The following FOCAD variants were observed in gnomAD, a reference collection of about 807,000 sequenced individuals.
FOCAD encodes KIAA1797.
FOCAD carries 198 observed loss-of-function variants against 225.6 expected under a neutral mutation model. That is an observed-to-expected ratio of 0.88 (90% CI 0.78 to 0.99). FOCAD has a LOEUF of 0.99. Ranked by LOEUF, FOCAD falls within the 50% of genes least tolerant of loss-of-function variation. The pLI, the probability that FOCAD is intolerant of heterozygous loss-of-function variation, is 0.00. For missense variants in FOCAD, 2,713 were observed against 2,123.6 expected (o/e 1.28, Z -5.46); for synonymous variants, 897 against 755.0 (o/e 1.19, Z -3.08).
intron 11 of FOCAD, among the ~76,000 whole-genome samples, chr9:20,804,142 C>T (rs955181581): frequency 2.0e-5 from 3 of 151,984 alleles, no homozygotes; most frequent in Non-Finnish European, 2.9e-5. Context: ...TTGTGTGTTC[C>T]TGAGGTTTAC....
At chr9:20,937,094 G>A (rs950000954) in intron 28 of FOCAD, among the ~76,000 whole-genome samples, 4 of 151,006 alleles carry the variant, frequency 2.6e-5, no homozygotes, top group Non-Finnish European at 5.9e-5. Flanking sequence ...CAAACAAATG[G>A]AAGAACATTC....
chr9:20,902,922 T>G (rs753676952), intron 21 of FOCAD, among the ~76,000 whole-genome samples: 1 of 151,944 alleles, frequency 6.6e-6, no homozygotes, highest in Non-Finnish European at 1.5e-5. Flanking sequence ...AGGTGAAAGT[T>G]TGAGAAGTAC....
chr9:20,985,505 C>T (rs1183956775), intron 39 of FOCAD, among the ~76,000 whole-genome samples: 3 of 152,156 alleles, frequency 2.0e-5, no homozygotes, highest in African/African-American at 7.2e-5. Flanking sequence ...CCTTCAGTTT[C>T]AAGAAAATAA....
intron 11 of FOCAD, among the ~76,000 whole-genome samples, chr9:20,811,703 C>A (rs1367949033): frequency 6.6e-6 from 1 of 151,930 alleles, no homozygotes; most frequent in African/African-American, 2.4e-5. Flanking sequence ...ACCTTTTTAG[C>A]ACTTCTGTCA....
At chr9:20,827,062 A>T (rs1736854757) in intron 15 of FOCAD, among the ~76,000 whole-genome samples, 1 of 152,138 alleles carries the variant, frequency 6.6e-6, no homozygotes, top group African/African-American at 2.4e-5. Flanking sequence ...CACAAAGCAT[A>T]CAATTCATTC....
chr9:20,839,872 G>C (rs1235354928), intron 15 of FOCAD, among the ~76,000 whole-genome samples: 1 of 151,932 alleles, frequency 6.6e-6, no homozygotes, highest in Non-Finnish European at 1.5e-5. Context: ...TCATTTTTCT[G>C]CATATGATTA....
chr9:20,982,329 T>C (rs10964782), intron 38 of FOCAD, 28 bp from the exon 39 acceptor site: 3 of 1,492,112 alleles, frequency 2.0e-6, no homozygotes, highest in Middle Eastern at 1.7e-4. Flanking sequence ...CACTGTTTGT[T>C]GACATGTTTG....
chr9:20,812,597 T>A (rs1823209809), intron 11 of FOCAD, among the ~76,000 whole-genome samples: 1 of 152,084 alleles, frequency 6.6e-6, no homozygotes. Context: ...TGTTTTTTTC[T>A]TTATGTTTTG....
chr9:20,979,569 C>G (rs1439909541), intron 37 of FOCAD, among the ~76,000 whole-genome samples: 1 of 152,136 alleles, frequency 6.6e-6, no homozygotes. Flanking sequence ...GAACTCCTGA[C>G]CTCAAGTGAT....
At chr9:20,715,042 G>C (rs527298671) in intron 1 of FOCAD, among the ~76,000 whole-genome samples, 1 of 152,092 alleles carries the variant, frequency 6.6e-6, no homozygotes, top group Non-Finnish European at 1.5e-5. Context: ...ACTTTTGGAT[G>C]TTTTTTTCAT....
intron 11 of FOCAD, among the ~76,000 whole-genome samples, chr9:20,799,871 T>G (rs1292695395): frequency 6.6e-6 from 1 of 152,134 alleles, no homozygotes; most frequent in Non-Finnish European, 1.5e-5. Flanking sequence ...TTGTTATGTG[T>G]GAATTTGATC....
At chr9:20,927,929 T>C (rs1305008895) in intron 26 of FOCAD, 4 of 139,652 alleles carry the variant, frequency 2.9e-5, no homozygotes, top group Non-Finnish European at 6.3e-5. Context: ...TAGAGCTAGA[T>C]TTTTAACCAT....
intron 15 of FOCAD, among the ~76,000 whole-genome samples, chr9:20,835,086 A>G (rs1825867613): frequency 7.1e-6 from 1 of 140,284 alleles, no homozygotes; most frequent in South Asian, 2.4e-4. Context: ...TGGTAATTAT[A>G]CCTTTATACC....
intron 7 of FOCAD, among the ~76,000 whole-genome samples, chr9:20,766,758 T>C (rs1481336338): frequency 2.6e-5 from 4 of 152,134 alleles, no homozygotes; most frequent in Non-Finnish European, 4.4e-5. Context: ...TTTTCTAGTT[T>C]ATTGTTGCTC....
chr9:20,882,967 G>T (rs1174474082), intron 20 of FOCAD, among the ~76,000 whole-genome samples: 1 of 152,108 alleles, frequency 6.6e-6, no homozygotes, highest in Non-Finnish European at 1.5e-5. Context: ...ACCAGAGCTG[G>T]ACTCAAATTA....
At chr9:20,844,095 C>T (rs1826823829) in intron 15 of FOCAD, among the ~76,000 whole-genome samples, 1 of 151,978 alleles carries the variant, frequency 6.6e-6, no homozygotes, top group African/African-American at 2.4e-5. Flanking sequence ...TAGGAATGTA[C>T]CCAAGAAAAG....
intron 21 of FOCAD, among the ~76,000 whole-genome samples, chr9:20,897,203 A>T (rs1420859206): frequency 2.0e-5 from 3 of 151,802 alleles, no homozygotes; most frequent in Non-Finnish European, 4.4e-5. Flanking sequence ...TGAAATTAAT[A>T]TAGGTCTTCC....
At chr9:20,737,366 G>C (rs1827232515) in intron 4 of FOCAD, among the ~76,000 whole-genome samples, 1 of 152,056 alleles carries the variant, frequency 6.6e-6, no homozygotes, top group African/African-American at 2.4e-5. Context: ...AATAATTAAG[G>C]AAAACCAATA....
Position 20,929,413 on chromosome 9 carries a change from C to T in FOCAD, c.3134C>T (p.Thr1045Met), listed in dbSNP as rs746401355. Reference sequence around the variant, plus strand: ...GCCATTGCCCGTTCTGCTGCCGCCACGGCTTTGTCTCTCCTTGTGCCAGTT... The same window carrying T: ...GCCATTGCCCGTTCTGCTGCCGCCATGGCTTTGTCTCTCCTTGTGCCAGTT... ...ASAIARSAAA[T>M]ALSLLVPVFI... Residue 1045 changes from threonine (T) to methionine (M), a missense_variant, in exon 27 of 44, where the codon ACG becomes ATG. Thr to Met is a moderately conservative substitution (Grantham distance 81). Coordinates refer to ENST00000338382, the MANE Select transcript of FOCAD (RefSeq NM_001375567.1). 58 of 1,613,974 alleles carry T rather than the reference C, an allele frequency of 3.6e-5. No individual in the cohort carries two copies. Among genetic ancestry groups the T allele is most frequent in the African/African-American group, 1.1e-4 (8 of 74,896 alleles).
Sources: gnomAD v4.1 joint callset for allele counts (sites outside exome capture counted in the v4.1 genomes callset) on GRCh38, gnomAD v4.1.1 for gene constraint, MANE v1.5 for transcripts, NCBI Gene and HGNC (gene_info 2026-07-23, HGNC 2026-07-21) for gene names.